MYO7B: variants seen among roughly 807,000 people sequenced by gnomAD.
The protein encoded by MYO7B is myosin VIIB.
A neutral mutation model predicts 259.7 loss-of-function variants in MYO7B; 212 were observed. That is an observed-to-expected ratio of 0.82 (90% confidence interval 0.73 to 0.91). The LOEUF is 0.91. Ranked by LOEUF, MYO7B falls within the 40% of genes least tolerant of loss-of-function variation. The probability of loss-of-function intolerance (pLI) is 0.00; values close to 1 mark genes in which losing one functional copy is unlikely to be tolerated. For missense variants in MYO7B, 2,732 were observed against 2,813.5 expected, an observed-to-expected ratio of 0.97 and a Z score of 0.66; for synonymous variants, 1,197 against 1,166.4, an observed-to-expected ratio of 1.03 and a Z score of -0.54.
At chr2:127,625,170 T>G (rs542477081) in intron 30 of MYO7B, among the ~76,000 whole-genome samples, 198 bp from the exon 31 acceptor site, 2 of 152,326 alleles carry the variant, frequency 1.3e-5, no homozygotes, top group African/African-American at 2.4e-5. Flanking sequence ...CCTGTGAGGC[T>G]CTGGCCAAGG....
intron 1 of MYO7B, among the ~76,000 whole-genome samples, chr2:127,547,131 T>A (rs1213969267): frequency 6.6e-6 from 1 of 152,072 alleles, no homozygotes; most frequent in Non-Finnish European, 1.5e-5. Context: ...CACCCGTCCA[T>A]CAGCCCACCC....
chr2:127,595,408 T>C (rs184081744), intron 18 of MYO7B, among the ~76,000 whole-genome samples: 5 of 152,304 alleles, frequency 3.3e-5, no homozygotes, highest in Admixed American at 2.0e-4. Flanking sequence ...ATTAATTTTT[T>C]CAAAAAATCA....
At chr2:127,618,285 T>G (rs531883677) in intron 26 of MYO7B, among the ~76,000 whole-genome samples, 1 of 152,302 alleles carries the variant, frequency 6.6e-6, no homozygotes, top group South Asian at 2.1e-4. Context: ...AATGAAAACT[T>G]AAAACAAAAG....
At chr2:127,558,875 C>T (rs1677946617) in intron 1 of MYO7B, among the ~76,000 whole-genome samples, 1 of 152,072 alleles carries the variant, frequency 6.6e-6, no homozygotes, top group Admixed American at 6.5e-5. Context: ...ATACAATGGA[C>T]TTTGGGGACT....
At chr2:127,604,047 C>T (rs1044292422) in intron 19 of MYO7B, among the ~76,000 whole-genome samples, 3 of 152,158 alleles carry the variant, frequency 2.0e-5, no homozygotes, top group Non-Finnish European at 2.9e-5. Flanking sequence ...GCAGGAGAAT[C>T]GCTTGAACCT....
At chr2:127,544,239 A>G (rs1260032858) in intron 1 of MYO7B, among the ~76,000 whole-genome samples, 1 of 152,014 alleles carries the variant, frequency 6.6e-6, no homozygotes, top group Admixed American at 6.6e-5. Flanking sequence ...ACCATGTCCA[A>G]CTAATATCTC....
At chr2:127,580,021 A>G (rs923380765) in intron 9 of MYO7B, among the ~76,000 whole-genome samples, 2 of 152,140 alleles carry the variant, frequency 1.3e-5, no homozygotes, top group Non-Finnish European at 2.9e-5. Context: ...GCCCGCAAGG[A>G]CCTCGGAGGG....
Position 127,635,815 on chromosome 2 carries a change from G to C in MYO7B, c.5914G>C (p.Asp1972His), listed in dbSNP as rs61748909. Reference sequence around the variant, plus strand: ...CATCTACAAGGCCCAGTTCAACAACGACCGGTCCCAGCTGGCTAGTGTCCC... The same window carrying C: ...CATCTACAAGGCCCAGTTCAACAACCACCGGTCCCAGCTGGCTAGTGTCCC... The part of the protein sequence containing the change: ...GLIYKAQFNN[D>H]RSQLASVPKI... Residue 1972 changes from aspartate (D) to histidine (H), a missense_variant, in exon 44 of 48, where the codon GAC becomes CAC. By Grantham distance (81) the Asp-to-His change is moderately conservative (BLOSUM62 -1). This residue lies in a region of MYO7B where 821 missense variants were observed against 769.3 expected (regional missense o/e 1.07). Transcript: ENST00000409816. 29 of 1,589,228 alleles carry C rather than the reference G, an allele frequency of 1.8e-5. No individual in the cohort carries two copies. The highest frequency in any genetic ancestry group is 2.3e-5 in the South Asian group (2 of 87,030).
chr2:127,592,723 T>TGGGGTGCC, intron 16 of MYO7B, 71 bp from the exon 17 acceptor site: 27 of 1,504,232 alleles, frequency 1.8e-5, no homozygotes, highest in Non-Finnish European at 2.3e-5. Flanking sequence ...TGCCCGGTGG[T>TGGGGTGCC]GGGGTGCCGG....
Position 127,625,355 on chromosome 2 carries a change from C to G in MYO7B, c.4048-13C>G. The G allele has an allele frequency of 2.6e-6, 4 of 1,539,694 alleles. No individual in the cohort carries two copies. Among genetic ancestry groups the G allele is most frequent in the Non-Finnish European group, 3.5e-6 (4 of 1,142,002 alleles). ...TGTCTCACTCGCCCCCGTGGGTGCCCTGGGCTGTGCAGGAGGAAGAGCTGG... is the reference window on the plus strand; with the variant it reads ...TGTCTCACTCGCCCCCGTGGGTGCCGTGGGCTGTGCAGGAGGAAGAGCTGG... On this transcript the variant is annotated splice_polypyrimidine_tract_variant and intron_variant, in intron 30 of 47. Coordinates refer to ENST00000409816, the MANE Select transcript of MYO7B (RefSeq NM_001393586.1).
intron 1 of MYO7B, among the ~76,000 whole-genome samples, chr2:127,543,980 C>T (rs952795387): frequency 5.9e-5 from 9 of 152,006 alleles, no homozygotes; most frequent in Non-Finnish European, 1.2e-4. Flanking sequence ...CTCCTGACCT[C>T]GTGATCTGCC....
rs1394257626 is a variant in MYO7B, at chr2:127,634,173, C to T, written c.5512-3C>T. Reference sequence around the variant, plus strand: ...GGGCCTCACCAGCTGCCTCTCTGTCCAGATGCTGGAGGTGGTTGCCAACAC... The same window carrying T: ...GGGCCTCACCAGCTGCCTCTCTGTCTAGATGCTGGAGGTGGTTGCCAACAC... On this transcript the variant is annotated splice_polypyrimidine_tract_variant and splice_region_variant and intron_variant, in intron 40 of 47. Coordinates refer to ENST00000409816, the MANE Select transcript of MYO7B (RefSeq NM_001393586.1). 14 of 1,597,752 alleles carry T rather than the reference C, an allele frequency of 8.8e-6. No homozygotes were observed. The East Asian group carries it at 2.7e-4, about 31-fold the overall frequency.
Position 127,582,419 on chromosome 2 carries a change from T to C in MYO7B, c.1316T>C (p.Phe439Ser), listed in dbSNP as rs1373254569. Residue 439 changes from phenylalanine to serine, a missense_variant, in exon 12 of 48, where the codon TTT (phenylalanine) becomes TCT (serine). Around this residue, in one of 3 missense-constraint regions of MYO7B, gnomAD observed 1,906 missense variants for 2,026.4 expected, o/e 0.94. Coordinates refer to ENST00000409816, the MANE Select transcript of MYO7B (RefSeq NM_001393586.1). The part of the protein sequence containing the change: ...VRRAIGLLDI[F>S]GFENFENNSF... ...AGGGCCATCGGCCTCCTGGACATAT[T>C]TGGCTTTGAAAATTTCGAGAACAAT... 5 of 1,613,328 alleles carry C rather than the reference T, an allele frequency of 3.1e-6. No individual in the cohort carries two copies. Among genetic ancestry groups the C allele is most frequent in the East Asian group, 2.2e-5 (1 of 44,870 alleles).
chr2:127,555,357 T>A (rs2104832200), intron 1 of MYO7B, among the ~76,000 whole-genome samples: 1 of 152,346 alleles, frequency 6.6e-6, no homozygotes, highest in South Asian at 2.1e-4. Flanking sequence ...TTATCTTTTG[T>A]GGGTTTTTGT....
chr2:127,584,421 T>A lies in MYO7B; in HGVS notation c.1554+89T>A. ...GGGAAACTCCATTTGGGTGGGCCACTTGTTCTGAGAGTCACTAAAACCTCT... is the reference window on the plus strand; with the variant it reads ...GGGAAACTCCATTTGGGTGGGCCACATGTTCTGAGAGTCACTAAAACCTCT... On this transcript the variant is annotated intron_variant, in intron 13 of 47. Transcript: ENST00000409816. This position sits in a 1 kb window ranked among gnomAD's most constrained non-coding sequence, Gnocchi z 5.8. 7.2e-7 allele frequency: 1 copy of A among 1,386,432 alleles called. No homozygotes were observed. The highest frequency in any genetic ancestry group is 1.0e-6 in the Non-Finnish European group (1 of 999,052). 85.9% of individuals were successfully genotyped at this position (1,386,432 alleles called of 1,614,324 possible).
chr2:127,576,029 T>C lies in MYO7B; in HGVS notation c.736-566T>C, dbSNP rs1678853024. ...CCCTAGGCAACATGGCAAAACCCCA[T>C]CTCTACAAAAAATACAAAACTTAGC... On this transcript the variant is annotated intron_variant, in intron 7 of 47. Coordinates refer to ENST00000409816, the MANE Select transcript of MYO7B (RefSeq NM_001393586.1). This position sits in a 1 kb window ranked among gnomAD's most constrained non-coding sequence, Gnocchi z 4.9. 6.6e-6 allele frequency among the ~76,000 whole-genome samples: 1 copy of C among 152,062 alleles called. No individual in the cohort carries two copies. Among genetic ancestry groups the C allele is most frequent in the Non-Finnish European group, 1.5e-5 (1 of 67,998 alleles).
intron 1 of MYO7B, among the ~76,000 whole-genome samples, chr2:127,548,655 C>A (rs917450347): frequency 2.0e-5 from 3 of 152,046 alleles, no homozygotes; most frequent in African/African-American, 7.2e-5. Context: ...ACCTCGTGAT[C>A]CACCCGCCTC....
At position 127,576,866 on chromosome 2, in the gene MYO7B, G is replaced by C. The variant is rs574995588; in HGVS notation, c.849+158G>C. ...TGCCTCTCCTCGCCAGCCCCTCTCT[G>C]CTGGGAATCACCTTGCCCGCGTGCC... On this transcript the variant is annotated intron_variant, in intron 8 of 47. Transcript: ENST00000409816. This position sits in a 1 kb window ranked among gnomAD's most constrained non-coding sequence, Gnocchi z 4.9. 6.6e-6 allele frequency among the ~76,000 whole-genome samples: 1 copy of C among 152,160 alleles called. No homozygotes were observed. The highest frequency in any genetic ancestry group is 1.9e-4 in the East Asian group (1 of 5,146).
intron 19 of MYO7B, among the ~76,000 whole-genome samples, chr2:127,604,491 G>A (rs145687254): frequency 2.2e-4 from 34 of 152,312 alleles, no homozygotes; most frequent in African/African-American, 7.9e-4. Flanking sequence ...CATCATTCAT[G>A]TGTTCACTGG....
Sources: allele counts gnomAD v4.1 joint callset (sites outside exome capture counted in the v4.1 genomes callset), GRCh38; gene constraint gnomAD v4.1.1; regional missense constraint gnomAD v4.1.1; non-coding constraint Gnocchi (gnomAD v3.1); transcripts MANE v1.5; gene names NCBI Gene and HGNC (gene_info 2026-07-23, HGNC 2026-07-21).